The following ZZZ3 variants were observed in gnomAD, a reference collection of about 807,000 sequenced individuals.
ZZZ3 encodes the protein ZZ-type zinc finger-containing protein 3.
Under a neutral mutation model 95.2 loss-of-function variants are expected in ZZZ3, and 22 were observed. That is an observed-to-expected ratio of 0.23 (90% confidence interval 0.17 to 0.33). The LOEUF (loss-of-function observed/expected upper bound fraction) is 0.33. ZZZ3 is among the 10% of genes least tolerant of loss of function. ZZZ3 has a pLI of 1.00. For missense variants in ZZZ3, 885 were observed against 1,066.5 expected (o/e 0.83, Z 2.37); for synonymous variants, 335 against 358.9 (o/e 0.93, Z 0.75).
intron 5 of ZZZ3, among the ~76,000 whole-genome samples, chr1:77,615,683 T>C (rs1219820371): frequency 6.6e-6 from 1 of 152,196 alleles, no homozygotes; most frequent in Non-Finnish European, 1.5e-5. Flanking sequence ...AAAAATTAAA[T>C]ATCCTTTAAA....
intron 4 of ZZZ3, among the ~76,000 whole-genome samples, chr1:77,636,572 AG>A (rs1231506284): frequency 6.6e-6 from 1 of 151,818 alleles, no homozygotes; most frequent in Non-Finnish European, 1.5e-5. Context: ...AAATTTATCC[AG>A]GTGTAGTGAA....
At chr1:77,633,662 T>G (rs1322470394) in intron 4 of ZZZ3, among the ~76,000 whole-genome samples, 2 of 152,190 alleles carry the variant, frequency 1.3e-5, no homozygotes, top group Non-Finnish European at 2.9e-5. Flanking sequence ...TTAACTCACT[T>G]AAGTCTCACA....
chr1:77,651,475 C>A (rs967192363), intron 1 of ZZZ3, among the ~76,000 whole-genome samples: 1 of 152,174 alleles, frequency 6.6e-6, no homozygotes, highest in Non-Finnish European at 1.5e-5. Flanking sequence ...ATGCTAAAAG[C>A]ATAACCAACA....
In ZZZ3 at chr1:77,566,183, T is replaced by C; in HGVS notation, c.2467-2A>G. 1 of 1,596,890 alleles carries C rather than the reference T, an allele frequency of 6.3e-7. No individual in the cohort carries two copies. The highest frequency in any genetic ancestry group is 8.6e-7 in the Non-Finnish European group (1 of 1,168,874). ...GGGTTCTATGCCACAGTTATCACAC[T>C]ATAACAGATTCAGAGAGAAAATGTA... is the stretch of plus-strand genomic sequence containing the variant. On this transcript the variant is annotated splice_acceptor_variant, in intron 13 of 14. Transcript: ENST00000370801. LOFTEE classifies it high-confidence loss of function.
chr1:77,657,212 C>A (rs919424244), intron 1 of ZZZ3, among the ~76,000 whole-genome samples: 1 of 152,156 alleles, frequency 6.6e-6, no homozygotes, highest in African/African-American at 2.4e-5. Flanking sequence ...TAACTCCTGG[C>A]ATCAAGTGAT....
intron 1 of ZZZ3, among the ~76,000 whole-genome samples, chr1:77,668,316 C>T (rs1671434551): frequency 1.3e-5 from 2 of 152,124 alleles, no homozygotes; most frequent in Non-Finnish European, 2.9e-5. Context: ...TCCAAGACAG[C>T]ATAGAATGAT....
chr1:77,630,545 C>CG (rs1667715082), intron 5 of ZZZ3, among the ~76,000 whole-genome samples: 1 of 152,016 alleles, frequency 6.6e-6, no homozygotes, highest in Non-Finnish European at 1.5e-5. Context: ...CAGAACTCAA[C>CG]TTATTTCTAA....
chr1:77,680,179 T>G (rs1365369283), intron 1 of ZZZ3, among the ~76,000 whole-genome samples: 1 of 152,246 alleles, frequency 6.6e-6, no homozygotes, highest in Non-Finnish European at 1.5e-5. Flanking sequence ...AAGGTTTCAA[T>G]TAAGTATAAC....
chr1:77,579,709 T>C (rs1296672079), intron 9 of ZZZ3, 81 bp from the exon 10 acceptor site: 3 of 849,458 alleles, frequency 3.5e-6, no homozygotes, highest in South Asian at 1.7e-5. Context: ...ACATTCACAT[T>C]TCATTTCAAA....
At chr1:77,579,390 T>C (rs1206108777) in intron 10 of ZZZ3, 137 bp downstream of exon 10, 2 of 560,160 alleles carry the variant, frequency 3.6e-6, no homozygotes, top group Non-Finnish European at 6.2e-6. Flanking sequence ...TACAATTTTT[T>C]TAAAAAAACA....
At chr1:77,610,676 A>T (rs1306538187) in intron 5 of ZZZ3, among the ~76,000 whole-genome samples, 1 of 152,000 alleles carries the variant, frequency 6.6e-6, no homozygotes, top group Non-Finnish European at 1.5e-5. Context: ...AATCAATGCG[A>T]TACATCATAT....
rs1353061660 is a variant in ZZZ3 at position 77,632,450 on chromosome 1, C to A, written c.905G>T (p.Gly302Val). ...VNQLTTEPAT[G>V]PFSETQSSLR... Reference sequence around the variant, plus strand: ...AGATGACTGAGTTTCAGAAAAGGGCCCTGTAGCTGGCTCAGTAGTCAGCTG... The same window carrying A: ...AGATGACTGAGTTTCAGAAAAGGGCACTGTAGCTGGCTCAGTAGTCAGCTG... Residue 302 changes from glycine (G) to valine (V), a missense_variant, in exon 5 of 15, where the codon GGG becomes GTG. Physicochemically the swap from Gly to Val is moderately radical, Grantham distance 109. This residue lies in a region of ZZZ3 where 556 missense variants were observed against 652.9 expected (regional missense o/e 0.85). Coordinates refer to ENST00000370801, the MANE Select transcript of ZZZ3 (RefSeq NM_015534.6). 1 of 1,613,956 alleles carries A rather than the reference C, an allele frequency of 6.2e-7. No individual in the cohort carries two copies. The highest frequency in any genetic ancestry group is 1.3e-5 in the African/African-American group (1 of 74,894).
chr1:77,631,761 G>T, intron 5 of ZZZ3, 89 bp downstream of exon 5: 1 of 1,043,222 alleles, frequency 9.6e-7, no homozygotes, highest in Non-Finnish European at 1.4e-6. Context: ...CATTAATTTT[G>T]GCTGTAATAA....
intron 1 of ZZZ3, among the ~76,000 whole-genome samples, chr1:77,657,629 G>A (rs924103718): frequency 2.6e-4 from 39 of 152,152 alleles, no homozygotes; most frequent in African/African-American, 9.2e-4. Flanking sequence ...ATAAATTTTA[G>A]CCAGTAAATG....
chr1:77,607,449 C>T (rs972608527), intron 5 of ZZZ3, among the ~76,000 whole-genome samples: 1 of 152,096 alleles, frequency 6.6e-6, no homozygotes, highest in African/African-American at 2.4e-5. Flanking sequence ...TTCAAGATAT[C>T]ATTGAGAAAG....
intron 5 of ZZZ3, among the ~76,000 whole-genome samples, chr1:77,612,502 C>G (rs1665909332): frequency 6.6e-6 from 1 of 152,016 alleles, no homozygotes; most frequent in South Asian, 2.1e-4. Flanking sequence ...TTCACTGAAG[C>G]ATTATTCACA....
chr1:77,639,267 G>A (rs1668562381), intron 4 of ZZZ3, among the ~76,000 whole-genome samples, 182 bp downstream of exon 4: 1 of 151,494 alleles, frequency 6.6e-6, no homozygotes, highest in Non-Finnish European at 1.5e-5. Context: ...AAAAAAGGGA[G>A]GGAAATATTT....
intron 12 of ZZZ3, among the ~76,000 whole-genome samples, chr1:77,569,258 A>C (rs933584245): frequency 1.3e-5 from 2 of 152,218 alleles, no homozygotes; most frequent in African/African-American, 2.4e-5. Context: ...AATTGCTTGC[A>C]CCTGGGAGGC....
chr1:77,674,010 G>GA (rs11320447), intron 1 of ZZZ3, among the ~76,000 whole-genome samples: 42 of 140,230 alleles, frequency 3.0e-4, no homozygotes, highest in Admixed American at 4.2e-4. Context: ...TTTTAAGTAG[G>GA]AAAAAAAAAA....
Sources: allele counts gnomAD v4.1 joint callset (sites outside exome capture counted in the v4.1 genomes callset), GRCh38; gene constraint gnomAD v4.1.1; regional missense constraint gnomAD v4.1.1; transcripts MANE v1.5; gene names NCBI Gene and HGNC (gene_info 2026-07-23, HGNC 2026-07-21).